The following TSNAX variants were observed in gnomAD, a reference collection of about 807,000 sequenced individuals.
TSNAX encodes translin-associated protein X.
In TSNAX, 12 loss-of-function variants were observed where a neutral mutation model predicts 33.0. The observed-to-expected ratio is 0.36, with a 90% confidence interval of 0.23 to 0.59. TSNAX has a LOEUF of 0.59. Among genes scored for constraint, TSNAX ranks in the 20% least tolerant of loss-of-function variants. The probability of loss-of-function intolerance (pLI) is 0.74; values close to 1 mark genes in which losing one functional copy is unlikely to be tolerated. For synonymous variants in TSNAX, 110 were observed against 117.2 expected, an observed-to-expected ratio of 0.94 and a Z score of 0.40; for missense variants, 267 against 341.3, an observed-to-expected ratio of 0.78 and a Z score of 1.72.
intron 4 of TSNAX, among the ~76,000 whole-genome samples, chr1:231,548,043 T>C (rs901666979): frequency 6.6e-6 from 1 of 150,936 alleles, no homozygotes; most frequent in African/African-American, 2.4e-5. Context: ...GGTTTCACCA[T>C]GTTAGCCAGG....
intron 4 of TSNAX, among the ~76,000 whole-genome samples, chr1:231,560,492 G>A (rs1333627731): frequency 7.9e-6 from 1 of 126,758 alleles, no homozygotes; most frequent in Non-Finnish European, 1.5e-5. Flanking sequence ...TTGGCTCACT[G>A]CAACCTTCGG....
chr1:231,542,595 T>C lies in TSNAX; in HGVS notation c.351T>C (p.His117=). 1 of 1,613,864 alleles carries C rather than the reference T, an allele frequency of 6.2e-7. No homozygotes were observed. The highest frequency in any genetic ancestry group is 8.5e-7 in the Non-Finnish European group (1 of 1,179,886). The change falls in exon 4 of 6, where the codon CAT becomes CAC. Residue 117 remains histidine (H), a synonymous_variant. Coordinates refer to ENST00000366639, the MANE Select transcript of TSNAX (RefSeq NM_005999.3). ...CAGGGGAAGATATGCATCAGTTCCA[T>C]CGAGCCATTACTACAGGTAAGTCTA... ...ELSGEDMHQF[H]RAITTGLQEY... is the part of the protein sequence containing the mutation.
chr1:231,556,470 G>T (rs1314623640), intron 4 of TSNAX, among the ~76,000 whole-genome samples: 4 of 152,198 alleles, frequency 2.6e-5, no homozygotes, highest in African/African-American at 9.6e-5. Flanking sequence ...GTAGTATGTT[G>T]TTGCTAAAGT....
At position 231,561,237 on chromosome 1, in the gene TSNAX, TG is replaced by T; in HGVS notation, c.480del (p.Glu162LysfsTer19). 6.5e-7 allele frequency: 1 copy of T among 1,538,268 alleles called. No homozygotes were observed. Among genetic ancestry groups the T allele is most frequent in the Non-Finnish European group, 8.9e-7 (1 of 1,126,216 alleles). On this transcript the variant is annotated frameshift_variant, in exon 5 of 6. Transcript: ENST00000366639. LOFTEE classifies it high-confidence loss of function. ...AATTGATATTTACGACTGAAGACAA[TG>T]GGAAAGAAAATAAAACTGTGAGAAT... ...KQLIFTTEDN[G>X]KENKTPSSDA...
At position 231,558,446 on chromosome 1, in the gene TSNAX, CCTT is replaced by C. The variant is rs150920306; in HGVS notation, c.368-2676_368-2674del. ...GGAGACATGCTTTAAGTATCCACCT[CCTT>C]CTTCTGAAATAATGGAACTAAGAGA... On this transcript the variant is annotated intron_variant, in intron 4 of 5. Transcript: ENST00000366639. Among the ~76,000 whole-genome samples the C allele has an allele frequency of 2.0e-3, 297 of 152,282 alleles. 2 individuals carry two copies. The highest frequency in any genetic ancestry group is 6.8e-3 in the African/African-American group (284 of 41,560).
intron 4 of TSNAX, among the ~76,000 whole-genome samples, chr1:231,545,597 T>C (rs1201648086): frequency 6.6e-6 from 1 of 152,172 alleles, no homozygotes; most frequent in Non-Finnish European, 1.5e-5. Flanking sequence ...GGGGGAAATG[T>C]CCTCCATTTC....
At chr1:231,537,366 T>A in intron 3 of TSNAX, 39 bp downstream of exon 3, 1 of 1,299,598 alleles carries the variant, frequency 7.7e-7, no homozygotes, top group Non-Finnish European at 1.1e-6. Context: ...AGTTTGATAC[T>A]AGCTATTAGA....
intron 4 of TSNAX, among the ~76,000 whole-genome samples, chr1:231,555,094 C>T (rs1467243822): frequency 2.0e-5 from 3 of 152,128 alleles, no homozygotes; most frequent in Non-Finnish European, 4.4e-5. Flanking sequence ...ACGACTTGAA[C>T]AGGTATGAAT....
Position 231,534,691 on chromosome 1 carries a change from C to T in TSNAX, c.122-2522C>T, listed in dbSNP as rs548735831. ...TTCCTTTTCAACAATTTCTTAGTTC[C>T]CAGGAGATTGCATACCCTTAGTACG... On this transcript the variant is annotated intron_variant, in intron 2 of 5. Transcript: ENST00000366639. The T allele has an allele frequency of 4.2e-4, 64 of 152,190 alleles. 1 individual carries two copies. Among genetic ancestry groups the T allele is most frequent in the African/African-American group, 1.4e-3 (60 of 41,516 alleles). The allele number at this position is 152,190 out of a possible 1,614,324, so 9.4% of individuals were successfully genotyped here. A position where few individuals can be genotyped will look rare whatever the true frequency, so the allele number is the denominator to read the frequency against.
chr1:231,550,309 G>C (rs1426728074), intron 4 of TSNAX, among the ~76,000 whole-genome samples: 1 of 152,098 alleles, frequency 6.6e-6, no homozygotes, highest in Non-Finnish European at 1.5e-5. Flanking sequence ...GGACTGGGGA[G>C]TTGCTTTTAA....
intron 3 of TSNAX, among the ~76,000 whole-genome samples, chr1:231,539,684 G>A (rs1405068599): frequency 6.6e-6 from 1 of 152,138 alleles, no homozygotes; most frequent in African/African-American, 2.4e-5. Context: ...TACTTAATGA[G>A]ACAAATCAGT....
Position 231,537,257 on chromosome 1 carries a change from C to G in TSNAX, c.166C>G (p.Leu56Val). 1 of 1,613,580 alleles carries G rather than the reference C, an allele frequency of 6.2e-7. No homozygotes were observed. The highest frequency in any genetic ancestry group is 8.5e-7 in the Non-Finnish European group (1 of 1,179,800). Reference sequence around the variant, plus strand: ...TGCAAGGCATGACAAATATGAGAGACTTGTGAAACTTAGTCGGGATATAAC... The same window carrying G: ...TGCAAGGCATGACAAATATGAGAGAGTTGTGAAACTTAGTCGGGATATAAC... ...LDARHDKYER[L>V]VKLSRDITVE... Residue 56 changes from leucine to valine, a missense_variant, in exon 3 of 6, where the codon CTT becomes GTT. Leu to Val is a conservative substitution (Grantham distance 32). Coordinates refer to ENST00000366639, the MANE Select transcript of TSNAX (RefSeq NM_005999.3).
At chr1:231,558,150 A>G (rs1021913111) in intron 4 of TSNAX, among the ~76,000 whole-genome samples, 1 of 152,078 alleles carries the variant, frequency 6.6e-6, no homozygotes, top group Non-Finnish European at 1.5e-5. Context: ...TGTTGTGCTG[A>G]TGGACTCTCT....
chr1:231,538,021 T>C (rs1366941620), intron 3 of TSNAX, among the ~76,000 whole-genome samples: 2 of 152,214 alleles, frequency 1.3e-5, no homozygotes, highest in African/African-American at 2.4e-5. Flanking sequence ...CTCACAATTA[T>C]TGAAATGCCC....
intron 2 of TSNAX, among the ~76,000 whole-genome samples, chr1:231,533,288 G>A (rs1171151334): frequency 6.6e-6 from 1 of 152,076 alleles, no homozygotes; most frequent in Non-Finnish European, 1.5e-5. Context: ...TAGTAGACAT[G>A]GGGTTTCACT....
intron 5 of TSNAX, among the ~76,000 whole-genome samples, chr1:231,563,839 A>G (rs1661267214): frequency 6.6e-6 from 1 of 152,144 alleles, no homozygotes; most frequent in Admixed American, 6.5e-5. Flanking sequence ...GAGGCTGGAA[A>G]GAGAACCATC....
chr1:231,558,136 G>C (rs145964087), intron 4 of TSNAX, among the ~76,000 whole-genome samples: 1 of 152,242 alleles, frequency 6.6e-6, no homozygotes, highest in Non-Finnish European at 1.5e-5. Context: ...GACATTTGCT[G>C]AGCTGTTGTG....
At chr1:231,555,557 C>A (rs1003391240) in intron 4 of TSNAX, among the ~76,000 whole-genome samples, 8 of 152,020 alleles carry the variant, frequency 5.3e-5, no homozygotes, top group African/African-American at 1.9e-4. Context: ...AATGGCTAAG[C>A]TGGTAAATGT....
intron 2 of TSNAX, among the ~76,000 whole-genome samples, chr1:231,533,840 A>G (rs1176782489): frequency 6.6e-6 from 1 of 152,208 alleles, no homozygotes; most frequent in Non-Finnish European, 1.5e-5. Context: ...AATACTTCAG[A>G]ATATATTTCC....
Sources: allele counts gnomAD v4.1 joint callset (sites outside exome capture counted in the v4.1 genomes callset), GRCh38; gene constraint gnomAD v4.1.1; transcripts MANE v1.5; gene names NCBI Gene and HGNC (gene_info 2026-07-23, HGNC 2026-07-21).